ST6GALNAC3: variants seen among roughly 807,000 people sequenced by gnomAD.
ST6GALNAC3 encodes ST6 N-acetylgalactosaminide alpha-2,6-sialyltransferase 3, also known as alpha-N-acetylgalactosaminide alpha-2,6-sialyltransferase 3.
In ST6GALNAC3, 25 loss-of-function variants were observed where a neutral mutation model predicts 32.7. The ratio of observed to expected loss-of-function variants is 0.76; its 90% confidence interval spans 0.56 to 1.07. The LOEUF (loss-of-function observed/expected upper bound fraction) is 1.07, where lower values mean the gene tolerates loss of function less well. Among genes scored for constraint, ST6GALNAC3 ranks in the 50% least tolerant of loss-of-function variants. The probability of loss-of-function intolerance (pLI) is 0.00; values close to 1 mark genes in which losing one functional copy is unlikely to be tolerated. For missense variants in ST6GALNAC3, 355 were observed against 382.4 expected, an observed-to-expected ratio of 0.93 and a Z score of 0.60; for synonymous variants, 129 against 133.1, an observed-to-expected ratio of 0.97 and a Z score of 0.21.
intron 1 of ST6GALNAC3, among the ~76,000 whole-genome samples, chr1:76,130,256 G>A (rs1649524017): frequency 6.6e-6 from 1 of 152,204 alleles, no homozygotes; most frequent in Non-Finnish European, 1.5e-5. Context: ...GAAATGGCTA[G>A]ACCACCACCC....
At chr1:76,286,197 G>A (rs566777782) in intron 1 of ST6GALNAC3, among the ~76,000 whole-genome samples, 3 of 152,188 alleles carry the variant, frequency 2.0e-5, no homozygotes, top group African/African-American at 7.2e-5. Flanking sequence ...AGATGCTTCT[G>A]TTTACCAGGA....
intron 1 of ST6GALNAC3, among the ~76,000 whole-genome samples, chr1:76,125,767 G>C (rs1649200285): frequency 6.6e-6 from 1 of 152,102 alleles, no homozygotes. Flanking sequence ...ATACCTTTTG[G>C]TTTCCCTGCC....
chr1:76,365,116 A>G (rs1340314882), intron 2 of ST6GALNAC3, among the ~76,000 whole-genome samples: 1 of 152,238 alleles, frequency 6.6e-6, no homozygotes, highest in Admixed American at 6.5e-5. Context: ...AATGTGGTAC[A>G]TATATACCAT....
chr1:76,307,914 A>G (rs763477314), intron 1 of ST6GALNAC3: 2 of 516,636 alleles, frequency 3.9e-6, no homozygotes, highest in South Asian at 2.8e-5. Flanking sequence ...GAAGTCTGAT[A>G]AATGATATTC....
chr1:76,408,659 A>G (rs1232475704), intron 2 of ST6GALNAC3, among the ~76,000 whole-genome samples: 1 of 152,086 alleles, frequency 6.6e-6, no homozygotes, highest in African/African-American at 2.4e-5. Flanking sequence ...TTAATTCTAT[A>G]TTAAGCCTTG....
intron 2 of ST6GALNAC3, among the ~76,000 whole-genome samples, chr1:76,363,220 T>TA (rs1403276301): frequency 6.6e-6 from 1 of 152,226 alleles, no homozygotes; most frequent in African/African-American, 2.4e-5. Context: ...CTGGGCCACA[T>TA]ATCGTACACT....
intron 1 of ST6GALNAC3, among the ~76,000 whole-genome samples, chr1:76,215,433 AT>A (rs1346931250): frequency 4.6e-5 from 7 of 152,160 alleles, no homozygotes; most frequent in African/African-American, 1.7e-4. Context: ...TGGCTGGGTT[AT>A]TGCCAGAGAT....
At chr1:76,095,668 G>A (rs917509726) in intron 1 of ST6GALNAC3, among the ~76,000 whole-genome samples, 2 of 152,220 alleles carry the variant, frequency 1.3e-5, no homozygotes, top group Non-Finnish European at 1.5e-5. Context: ...CACTTAGCAA[G>A]TGTTCTATAA....
intron 1 of ST6GALNAC3, chr1:76,305,801 A>G (rs551151752): frequency 1.1e-5 from 5 of 457,934 alleles, no homozygotes; most frequent in South Asian, 5.1e-5. Context: ...AATTATTTAT[A>G]TAATCTCAGT....
chr1:76,366,217 C>T (rs1650358865), intron 2 of ST6GALNAC3, among the ~76,000 whole-genome samples: 1 of 152,090 alleles, frequency 6.6e-6, no homozygotes, highest in African/African-American at 2.4e-5. Flanking sequence ...CTCCAATGTA[C>T]CCTTGTTTTG....
intron 1 of ST6GALNAC3, among the ~76,000 whole-genome samples, chr1:76,146,159 G>A (rs946008673): frequency 3.9e-5 from 6 of 152,142 alleles, no homozygotes; most frequent in Non-Finnish European, 5.9e-5. Context: ...TGTTCTTTAC[G>A]TTCCCAGACT....
At chr1:76,330,522 A>G (rs187764728) in intron 2 of ST6GALNAC3, among the ~76,000 whole-genome samples, 136 of 152,302 alleles carry the variant, frequency 8.9e-4, no homozygotes, top group Admixed American at 1.4e-3. Context: ...TGTGCTAGCT[A>G]TATACTGTTG....
chr1:76,140,370 C>G (rs950005525), intron 1 of ST6GALNAC3, among the ~76,000 whole-genome samples: 1 of 152,114 alleles, frequency 6.6e-6, no homozygotes, highest in Non-Finnish European at 1.5e-5. Context: ...AGGTAAGGGG[C>G]AGGAAAATGT....
intron 3 of ST6GALNAC3, among the ~76,000 whole-genome samples, chr1:76,543,218 G>A (rs963268629): frequency 3.3e-5 from 5 of 152,106 alleles, no homozygotes; most frequent in Admixed American, 6.6e-5. Flanking sequence ...GTTAAGTACC[G>A]ACTGCCTTGT....
At chr1:76,241,421 G>A (rs962046023) in intron 1 of ST6GALNAC3, among the ~76,000 whole-genome samples, 1 of 152,098 alleles carries the variant, frequency 6.6e-6, no homozygotes, top group Non-Finnish European at 1.5e-5. Context: ...GAGAAAAGTG[G>A]GAAGTGCTAA....
chr1:76,587,588 C>A (rs1424643398), intron 3 of ST6GALNAC3, among the ~76,000 whole-genome samples: 1 of 152,168 alleles, frequency 6.6e-6, no homozygotes, highest in Non-Finnish European at 1.5e-5. Context: ...GGTTGAGTGA[C>A]CTTGGGAAAA....
chr1:76,496,121 T>A (rs1557489983), intron 3 of ST6GALNAC3, among the ~76,000 whole-genome samples: 1 of 152,148 alleles, frequency 6.6e-6, no homozygotes, highest in Non-Finnish European at 1.5e-5. Flanking sequence ...GGTGAAGGAA[T>A]CAAGTAGAAA....
intron 3 of ST6GALNAC3, among the ~76,000 whole-genome samples, chr1:76,508,108 G>C (rs75638729): frequency 0.066 from 10,070 of 152,088 alleles, 1,140 homozygotes; most frequent in African/African-American, 0.23. Context: ...TTAGATCAGC[G>C]GTTTCCAACC....
chr1:76,204,686 A>G (rs542148015), intron 1 of ST6GALNAC3, among the ~76,000 whole-genome samples: 1 of 152,196 alleles, frequency 6.6e-6, no homozygotes, highest in East Asian at 1.9e-4. Context: ...CTATTTTTCT[A>G]TGGGATGTGG....
Sources: gnomAD v4.1 joint callset for allele counts (sites outside exome capture counted in the v4.1 genomes callset) on GRCh38, gnomAD v4.1.1 for gene constraint, MANE v1.5 for transcripts, NCBI Gene and HGNC (gene_info 2026-07-23, HGNC 2026-07-21) for gene names.